ARL10: variants seen among roughly 807,000 people sequenced by gnomAD.
ARL10 encodes the protein ARF like GTPase 10.
In ARL10, 23 loss-of-function variants were observed where a neutral mutation model predicts 26.1. That is an observed-to-expected ratio of 0.88 (90% CI 0.63 to 1.25). The LOEUF is 1.25. Ranked by LOEUF, ARL10 falls within the 50% of genes most tolerant of loss-of-function variation. The pLI is 0.00. For missense variants in ARL10, 300 were observed against 323.6 expected, an observed-to-expected ratio of 0.93 and a Z score of 0.56; for synonymous variants, 138 against 149.1, an observed-to-expected ratio of 0.93 and a Z score of 0.54.
chr5:176,367,002 C>CTTTTTTTTTTTT (rs67066126), intron 2 of ARL10, among the ~76,000 whole-genome samples: 2 of 106,522 alleles, frequency 1.9e-5, no homozygotes, highest in Admixed American at 1.1e-4. Context: ...CCTTTCTAGT[C>CTTTTTTTTTTTT]TTTTTTTTTT....
chr5:176,396,386 A>G, intron 1 of ARL10: 1 of 1,158,368 alleles, frequency 8.6e-7, no homozygotes, highest in Non-Finnish European at 1.3e-6. Context: ...GCCCAGCCAC[A>G]CTCATTTATA....
At chr5:176,402,023 C>A (rs183883882), downstream of ARL10, among the ~76,000 whole-genome samples, 25 of 152,344 alleles carry the variant, frequency 1.6e-4, no homozygotes, top group Non-Finnish European at 3.1e-4. Context: ...CCAAAGGCAG[C>A]CGGGCACGGT....
At chr5:176,394,553 C>T (rs921549062) in intron 1 of ARL10, among the ~76,000 whole-genome samples, 9 of 151,878 alleles carry the variant, frequency 5.9e-5, no homozygotes, top group Non-Finnish European at 7.4e-5. Context: ...CGCGGTGGCT[C>T]ATGCCTGTAA....
At chr5:176,407,966 C>T in the ARL10 span, among the ~76,000 whole-genome samples, 623 of 152,240 alleles carry the variant, frequency 4.1e-3, 14 homozygotes, top group Admixed American at 0.035. Flanking sequence ...TCCTCCAGGG[C>T]GGGGCTCAGA....
intron 1 of ARL10, chr5:176,401,660 G>T: frequency 2.2e-6 from 1 of 449,846 alleles, no homozygotes; most frequent in South Asian, 1.6e-5. Context: ...GCTGCCTCCT[G>T]CAATCGTCAC....
At chr5:176,367,520 C>T (rs533437597) in intron 2 of ARL10, among the ~76,000 whole-genome samples, 8 of 152,226 alleles carry the variant, frequency 5.3e-5, no homozygotes, top group Non-Finnish European at 8.8e-5. Flanking sequence ...GTCACTCTTG[C>T]TTAAAGCCCT....
At chr5:176,384,588 G>A, downstream of ARL10, 1 of 572,232 alleles carries the variant, frequency 1.7e-6, no homozygotes, top group Non-Finnish European at 3.1e-6. Context: ...GGAGTTCCAG[G>A]CCACCCTGGG....
Position 176,378,642 on chromosome 5 carries a change from T to C in ARL10, c.*6747T>C, listed in dbSNP as rs1317727842. The C allele has an allele frequency of 6.6e-6, 1 of 152,274 alleles. No individual in the cohort carries two copies. Among genetic ancestry groups the C allele is most frequent in the Non-Finnish European group, 1.5e-5 (1 of 68,052 alleles). 9.4% of individuals were successfully genotyped at this position (152,274 alleles called of 1,614,324 possible). ...AGAGCAAAAGTTCTGCAGTTTGAGCTGACTGAAACTGGGAAGAGTCCGCTT... is the reference window on the plus strand; with the variant it reads ...AGAGCAAAAGTTCTGCAGTTTGAGCCGACTGAAACTGGGAAGAGTCCGCTT... On this transcript the variant is annotated 3_prime_UTR_variant, in exon 4 of 4. Coordinates refer to ENST00000310389, the MANE Select transcript of ARL10 (RefSeq NM_173664.6).
chr5:176,386,984 AC>A (rs1315708883), intron 1 of ARL10: 1 of 1,270,618 alleles, frequency 7.9e-7, no homozygotes, highest in Non-Finnish European at 1.2e-6. Flanking sequence ...TTATCCCAAC[AC>A]AACTACTAAC....
chr5:176,399,768 T>C lies in ARL10; in HGVS notation c.134-1973T>C, dbSNP rs1192902905. On this transcript the variant is annotated intron_variant, in intron 1 of 1. Coordinates refer to the ARL10 transcript ENST00000514533. Reference sequence around the variant, plus strand: ...AAATTAGCCAGGTGTAATGGCTGCTTAGGAGTCTGGGACTTGGGAGAATCG... The same window carrying C: ...AAATTAGCCAGGTGTAATGGCTGCTCAGGAGTCTGGGACTTGGGAGAATCG... Among the ~76,000 whole-genome samples, 4 of 149,456 alleles carry C rather than the reference T, an allele frequency of 2.7e-5. No homozygotes were observed. The East Asian group carries it at 7.9e-4, about 29-fold the overall frequency.
rs139824597 is a variant in ARL10, at chr5:176,397,106, C to T, written c.134-4635C>T. 2.1e-3 allele frequency among the ~76,000 whole-genome samples: 316 copies of T among 152,258 alleles called. 1 individual carries two copies. The highest frequency in any genetic ancestry group is 6.8e-3 in the African/African-American group (282 of 41,536). On this transcript the variant is annotated intron_variant, in intron 1 of 1. Coordinates refer to the ARL10 transcript ENST00000514533. ...TGAACATGTGTGTTTTTCTCCTCTG[C>T]GCCCTTTGAGGACATAAGGCTGGGT... is the stretch of plus-strand genomic sequence containing the variant.
exon 2 of ARL10, chr5:176,388,304 T>C (rs888548631): frequency 6.2e-7 from 1 of 1,614,186 alleles, no homozygotes; most frequent in Non-Finnish European, 8.5e-7. Flanking sequence ...GGTTCTGCCG[T>C]ACCGATTTAG....
chr5:176,406,990 C>A, the ARL10 span, among the ~76,000 whole-genome samples: 1 of 152,204 alleles, frequency 6.6e-6, no homozygotes, highest in Non-Finnish European at 1.5e-5. Flanking sequence ...TCATCTGTGA[C>A]CCTGCCCTGC....
chr5:176,403,266 T>G (rs1431957568), downstream of ARL10, among the ~76,000 whole-genome samples: 4 of 152,104 alleles, frequency 2.6e-5, no homozygotes, highest in African/African-American at 4.8e-5. Context: ...GCCAGACTTG[T>G]GTCGAACTCC....
intron 3 of ARL10, among the ~76,000 whole-genome samples, chr5:176,369,892 G>A (rs1262889792): frequency 6.6e-6 from 1 of 150,966 alleles, no homozygotes. Flanking sequence ...CCAGGAGGTC[G>A]AGGCTGCAGT....
At chr5:176,406,744 CT>C, downstream of ARL10, 1 of 1,269,802 alleles carries the variant, frequency 7.9e-7, no homozygotes, top group Non-Finnish European at 1.0e-6. Context: ...CACAAAAGCT[CT>C]GTCTGGGATC....
chr5:176,401,091 A>C (rs1581431952), intron 1 of ARL10, among the ~76,000 whole-genome samples: 1 of 152,160 alleles, frequency 6.6e-6, no homozygotes, highest in Non-Finnish European at 1.5e-5. Context: ...CTCTCCCAAC[A>C]TCCCAGTGGG....
At chr5:176,413,897 T>A in the ARL10 span, among the ~76,000 whole-genome samples, 1 of 152,150 alleles carries the variant, frequency 6.6e-6, no homozygotes, top group Non-Finnish European at 1.5e-5. Context: ...GAAGGCTGTA[T>A]CCCCGGCACC....
At chr5:176,405,489 C>CAAAAAAAAAAAAAAA (rs988554368), downstream of ARL10, 1 of 52,238 alleles carries the variant, frequency 1.9e-5, no homozygotes, top group Non-Finnish European at 3.6e-5. Flanking sequence ...CCCTGTCTCT[C>CAAAAAAAAAAAAAAA]AAAAAAAAAA....
Sources: allele counts gnomAD v4.1 joint callset (sites outside exome capture counted in the v4.1 genomes callset), GRCh38; gene constraint gnomAD v4.1.1; transcripts MANE v1.5; gene names NCBI Gene and HGNC (gene_info 2026-07-23, HGNC 2026-07-21).